The following XRCC4 variants were observed in gnomAD, a reference collection of about 807,000 sequenced individuals.
XRCC4 encodes the protein DNA repair protein XRCC4.
A neutral mutation model predicts 39.1 loss-of-function variants in XRCC4; 28 were observed. That is an observed-to-expected ratio of 0.72 (90% CI 0.53 to 0.98). The LOEUF (loss-of-function observed/expected upper bound fraction) is 0.98, where lower values mean the gene tolerates loss of function less well. Among genes scored for constraint, XRCC4 ranks in the 50% least tolerant of loss-of-function variants. The pLI is 0.00. For missense variants in XRCC4, 350 were observed against 376.4 expected (o/e 0.93, Z 0.58); for synonymous variants, 123 against 126.4 (o/e 0.97, Z 0.18).
At chr5:83,261,732 A>AT (rs1753759021) in intron 7 of XRCC4, among the ~76,000 whole-genome samples, 1 of 151,770 alleles carries the variant, frequency 6.6e-6, no homozygotes, top group African/African-American at 2.4e-5. Context: ...CTCAATATTT[A>AT]TAGATCTATT....
At chr5:83,362,303 A>C in the XRCC4 span, among the ~76,000 whole-genome samples, 1 of 146,856 alleles carries the variant, frequency 6.8e-6, no homozygotes, top group East Asian at 1.9e-4. Flanking sequence ...GCAAAAAAAA[A>C]AAAAAAAAAA....
chr5:83,289,690 A>G (rs944476325), intron 7 of XRCC4, among the ~76,000 whole-genome samples: 2 of 151,822 alleles, frequency 1.3e-5, no homozygotes, highest in Non-Finnish European at 2.9e-5. Context: ...TGTGACCTCT[A>G]CAAGTATTTC....
intron 3 of XRCC4, among the ~76,000 whole-genome samples, chr5:83,137,336 G>A (rs902017180): frequency 3.9e-5 from 6 of 152,114 alleles, no homozygotes; most frequent in Non-Finnish European, 5.9e-5. Context: ...TGTTTCAGTA[G>A]GTGAGTTTGG....
chr5:83,209,798 A>C (rs1476471742), intron 6 of XRCC4, among the ~76,000 whole-genome samples: 1 of 152,116 alleles, frequency 6.6e-6, no homozygotes, highest in East Asian at 1.9e-4. Flanking sequence ...ACAAATAAGA[A>C]ATCTTTTCTA....
chr5:83,238,020 G>A (rs1365267150), intron 6 of XRCC4, among the ~76,000 whole-genome samples: 1 of 151,988 alleles, frequency 6.6e-6, no homozygotes, highest in Non-Finnish European at 1.5e-5. Flanking sequence ...ATTGGTAATA[G>A]TATTATGAAG....
intron 6 of XRCC4, 135 bp from the exon 7 acceptor site, chr5:83,258,395 C>A: frequency 9.3e-7 from 1 of 1,073,898 alleles, no homozygotes; most frequent in South Asian, 1.5e-5. Context: ...TTCAACAAAT[C>A]TGCATAAAGA....
intron 3 of XRCC4, among the ~76,000 whole-genome samples, chr5:83,118,795 A>C (rs933450631): frequency 6.6e-6 from 1 of 152,210 alleles, no homozygotes; most frequent in African/African-American, 2.4e-5. Context: ...CTATGCATTT[A>C]ACATGCAGGG....
At chr5:83,109,949 A>C (rs1342886761) in intron 2 of XRCC4, among the ~76,000 whole-genome samples, 3 of 152,028 alleles carry the variant, frequency 2.0e-5, no homozygotes, top group Non-Finnish European at 2.9e-5. Flanking sequence ...AAGGACTATG[A>C]GTGAATAAAA....
chr5:83,159,997 G>A (rs1425852828), intron 3 of XRCC4, among the ~76,000 whole-genome samples: 1 of 152,104 alleles, frequency 6.6e-6, no homozygotes. Context: ...ATGAGTAAAT[G>A]TTAAATGTAA....
At chr5:83,305,344 TG>T (rs1479362334) in intron 7 of XRCC4, among the ~76,000 whole-genome samples, 1 of 152,094 alleles carries the variant, frequency 6.6e-6, no homozygotes, top group African/African-American at 2.4e-5. Flanking sequence ...TGAGTGTTGT[TG>T]GGGCAGAGGG....
chr5:83,194,801 A>G (rs1333157734), intron 3 of XRCC4, among the ~76,000 whole-genome samples: 1 of 152,174 alleles, frequency 6.6e-6, no homozygotes, highest in Admixed American at 6.5e-5. Flanking sequence ...ACCAAGAAAC[A>G]GCACAACAGC....
intron 6 of XRCC4, among the ~76,000 whole-genome samples, chr5:83,238,502 A>G (rs1218408742): frequency 2.0e-5 from 3 of 152,220 alleles, no homozygotes; most frequent in Non-Finnish European, 2.9e-5. Flanking sequence ...ATGTTATTAA[A>G]TGCACACAAA....
chr5:83,341,351 C>A (rs1756753602), intron 7 of XRCC4, among the ~76,000 whole-genome samples: 1 of 152,116 alleles, frequency 6.6e-6, no homozygotes, highest in African/African-American at 2.4e-5. Context: ...TATATACATG[C>A]ACATATGGTA....
At chr5:83,352,257 A>G (rs1757104278) in intron 7 of XRCC4, among the ~76,000 whole-genome samples, 1 of 152,184 alleles carries the variant, frequency 6.6e-6, no homozygotes, top group African/African-American at 2.4e-5. Context: ...GAGGGGTATT[A>G]CCAAGTATTA....
chr5:83,212,077 TATACACAC>T (rs1309308273), intron 6 of XRCC4, among the ~76,000 whole-genome samples: 2 of 152,004 alleles, frequency 1.3e-5, no homozygotes, highest in East Asian at 3.8e-4. Flanking sequence ...TCTATATATA[TATACACAC>T]ATACACACAT....
In XRCC4 at chr5:83,204,916, C is replaced by T; in HGVS notation, c.740C>T (p.Ala247Val). The T allele has an allele frequency of 1.2e-6, 2 of 1,608,594 alleles. No homozygotes were observed. The highest frequency in any genetic ancestry group is 2.2e-5 in the South Asian group (2 of 90,658). Residue 247 changes from alanine to valine, a missense_variant, in exon 6 of 8, where the codon GCT becomes GTT. Physicochemically the swap from Ala to Val is moderately conservative, Grantham distance 64. Coordinates refer to ENST00000396027, the MANE Select transcript of XRCC4 (RefSeq NM_003401.5). ...AACCAAACTGATCTCTCTGGGTTGGCTTCAGGTAAGAGATACATACATTTA... is the reference window on the plus strand; with the variant it reads ...AACCAAACTGATCTCTCTGGGTTGGTTTCAGGTAAGAGATACATACATTTA... ...SENQTDLSGL[A>V]SAAVSKDDSI...
rs147335749 is a variant in XRCC4, at chr5:83,237,743, AAAG to A, written c.746-20783_746-20781del. Among the ~76,000 whole-genome samples the A allele has an allele frequency of 2.6e-5, 4 of 152,274 alleles. No homozygotes were observed. In the East Asian group the frequency reaches 7.7e-4, roughly 29 times the overall value. On this transcript the variant is annotated intron_variant, in intron 6 of 7. Coordinates refer to ENST00000396027, the MANE Select transcript of XRCC4 (RefSeq NM_003401.5). ...GGTGGAATTGGAATGTTTCTCACAC[AAAG>A]AAGTGATAAATGTTTGAAATCATGG...
chr5:83,373,892 T>C, the XRCC4 span, among the ~76,000 whole-genome samples: 12 of 152,200 alleles, frequency 7.9e-5, no homozygotes, highest in Non-Finnish European at 1.3e-4. Flanking sequence ...AGTAGTGATA[T>C]AATCTTTTAA....
At chr5:83,096,430 C>G (rs1745681690) in intron 1 of XRCC4, among the ~76,000 whole-genome samples, 1 of 152,092 alleles carries the variant, frequency 6.6e-6, no homozygotes, top group Non-Finnish European at 1.5e-5. Flanking sequence ...TCCAGGACCC[C>G]TTGGCAGGTG....
Sources: gnomAD v4.1 joint callset for allele counts (sites outside exome capture counted in the v4.1 genomes callset) on GRCh38, gnomAD v4.1.1 for gene constraint, MANE v1.5 for transcripts, NCBI Gene and HGNC (gene_info 2026-07-23, HGNC 2026-07-21) for gene names.